RRAS2: variants seen among roughly 807,000 people sequenced by gnomAD.
RRAS2 encodes the protein RAS related 2.
RRAS2 carries 7 observed loss-of-function variants against 27.6 expected under a neutral mutation model. The observed-to-expected ratio is 0.25, with a 90% confidence interval of 0.14 to 0.48. RRAS2 has a LOEUF of 0.48. Among genes scored for constraint, RRAS2 ranks in the 20% least tolerant of loss-of-function variants. The pLI, the probability that RRAS2 is intolerant of heterozygous loss-of-function variation, is 0.99. For synonymous variants in RRAS2, 86 were observed against 90.9 expected, an observed-to-expected ratio of 0.95 and a Z score of 0.31; for missense variants, 178 against 256.2, an observed-to-expected ratio of 0.69 and a Z score of 2.08.
Position 14,279,222 on chromosome 11 carries a change from C to CGTTA in RRAS2, c.*114_*115insTAAC. ...GACTAGCCAGCTTCTTCGTCTAAGG[C>CGTTA]TAACATGGTGATCATTTGTCTAAGG... On this transcript the variant is annotated 3_prime_UTR_variant, in exon 6 of 6. Transcript: ENST00000256196. The CGTTA allele has an allele frequency of 1.3e-6, 1 of 770,828 alleles. No individual in the cohort carries two copies. Among genetic ancestry groups the CGTTA allele is most frequent in the Non-Finnish European group, 2.3e-6 (1 of 439,894 alleles). 47.7% of individuals were successfully genotyped at this position (770,828 alleles called of 1,614,324 possible).
chr11:14,329,172 G>A (rs781865801), intron 1 of RRAS2, among the ~76,000 whole-genome samples: 4 of 151,574 alleles, frequency 2.6e-5, no homozygotes, highest in Admixed American at 1.3e-4. Context: ...GTCCAATGGC[G>A]CGATCTCAGC....
chr11:14,284,472 T>C (rs1554944770), intron 4 of RRAS2, among the ~76,000 whole-genome samples: 1 of 152,168 alleles, frequency 6.6e-6, no homozygotes, highest in Admixed American at 6.5e-5. Flanking sequence ...CATTCTACTG[T>C]TGTTGGGTAA....
At chr11:14,286,743 TGG>T (rs1554945093) in intron 4 of RRAS2, among the ~76,000 whole-genome samples, 4 of 152,262 alleles carry the variant, frequency 2.6e-5, no homozygotes, top group Non-Finnish European at 4.4e-5. Flanking sequence ...TACATAGCAC[TGG>T]TATATCTAAG....
intron 4 of RRAS2, among the ~76,000 whole-genome samples, chr11:14,286,936 G>T (rs1395254710): frequency 6.6e-6 from 1 of 152,150 alleles, no homozygotes; most frequent in East Asian, 1.9e-4. Context: ...TCTGTTTTAG[G>T]AAAATTTGAC....
intron 5 of RRAS2, 145 bp downstream of exon 5, chr11:14,281,456 AG>A: frequency 2.0e-6 from 1 of 500,490 alleles, no homozygotes; most frequent in Non-Finnish European, 3.4e-6. Context: ...TTTATATTCT[AG>A]AAGTGCCTAG....
At chr11:14,302,103 CACACACA>C (rs782465290) in intron 1 of RRAS2, among the ~76,000 whole-genome samples, 1 of 151,158 alleles carries the variant, frequency 6.6e-6, no homozygotes, top group Non-Finnish European at 1.5e-5. Flanking sequence ...CACACACACA[CACACACA>C]CCAAAAACCA....
intron 1 of RRAS2, among the ~76,000 whole-genome samples, chr11:14,298,173 T>C (rs1847608060): frequency 6.6e-6 from 1 of 152,230 alleles, no homozygotes; most frequent in Non-Finnish European, 1.5e-5. Flanking sequence ...CTTTTTAAGA[T>C]TCATTTCTTG....
chr11:14,306,673 G>A (rs782807572), intron 1 of RRAS2, among the ~76,000 whole-genome samples: 3 of 152,068 alleles, frequency 2.0e-5, no homozygotes, highest in Non-Finnish European at 2.9e-5. Context: ...CTAGGTGGCT[G>A]TTCTACTGGG....
In RRAS2 at chr11:14,358,686, G is replaced by T. The variant is rs548067518; in HGVS notation, c.108+77C>A. 4.1e-4 allele frequency: 434 copies of T among 1,049,358 alleles called. 2 individuals carry two copies. The African/African-American group carries it at 6.4e-3, about 15-fold the overall frequency. 65.0% of individuals were successfully genotyped at this position (1,049,358 alleles called of 1,614,324 possible). A position where few individuals can be genotyped will look rare whatever the true frequency, so the allele number is the denominator to read the frequency against. Reference sequence around the variant, plus strand: ...GAGGCGCCTCTGGGGCGAGGTCGCGGCGGCCGCCCCGCCACAGGTAGCGCC... The same window carrying T: ...GAGGCGCCTCTGGGGCGAGGTCGCGTCGGCCGCCCCGCCACAGGTAGCGCC... On this transcript the variant is annotated intron_variant, in intron 1 of 5. Transcript: ENST00000256196. This position sits in a 1 kb window ranked among gnomAD's most constrained non-coding sequence, Gnocchi z 5.1.
intron 1 of RRAS2, among the ~76,000 whole-genome samples, chr11:14,352,000 A>G (rs564064111): frequency 6.6e-6 from 1 of 152,174 alleles, no homozygotes; most frequent in Non-Finnish European, 1.5e-5. Context: ...TTACATTCAA[A>G]TGATTTTAAA....
At chr11:14,323,608 A>AC (rs1315593842) in intron 1 of RRAS2, among the ~76,000 whole-genome samples, 1 of 152,208 alleles carries the variant, frequency 6.6e-6, no homozygotes, top group Non-Finnish European at 1.5e-5. Context: ...CTTTCAGGAA[A>AC]CAAGTAAATC....
In RRAS2 at chr11:14,358,750, C is replaced by G; in HGVS notation, c.108+13G>C. On this transcript the variant is annotated intron_variant, in intron 1 of 5. Coordinates refer to ENST00000256196, the MANE Select transcript of RRAS2 (RefSeq NM_012250.6). The surrounding 1 kb of genome is among the most constrained non-coding windows in gnomAD (Gnocchi z 5.1). ...CGCCGCTCCGGCGCCCCGGGCAGGC[C>G]CGCTCCAGGTACCTGGATGAACTGG... 1 of 1,391,952 alleles carries G rather than the reference C, an allele frequency of 7.2e-7. No individual in the cohort carries two copies. 86.2% of individuals were successfully genotyped at this position (1,391,952 alleles called of 1,614,324 possible). A position where few individuals can be genotyped will look rare whatever the true frequency, so the allele number is the denominator to read the frequency against.
At chr11:14,360,349 C>G (rs1030836020), upstream of RRAS2, among the ~76,000 whole-genome samples, 2 of 152,114 alleles carry the variant, frequency 1.3e-5, no homozygotes, top group African/African-American at 2.4e-5. Flanking sequence ...GTGAGAGACC[C>G]CAAGCAAAAA....
intron 1 of RRAS2, among the ~76,000 whole-genome samples, chr11:14,337,569 C>T (rs1848612884): frequency 6.6e-6 from 1 of 152,180 alleles, no homozygotes; most frequent in Admixed American, 6.5e-5. Context: ...ATTCAGATAA[C>T]TTCTATTGTA....
At chr11:14,293,281 A>C (rs1156380020) in intron 4 of RRAS2, among the ~76,000 whole-genome samples, 2 of 151,076 alleles carry the variant, frequency 1.3e-5, no homozygotes, top group Admixed American at 6.6e-5. Flanking sequence ...TTTATCAACC[A>C]ATTTTTCCTG....
At chr11:14,344,917 T>G (rs1591486495) in intron 1 of RRAS2, among the ~76,000 whole-genome samples, 1 of 151,680 alleles carries the variant, frequency 6.6e-6, no homozygotes, top group Non-Finnish European at 1.5e-5. Flanking sequence ...GGAACCATAA[T>G]AGATACAACT....
chr11:14,332,307 T>C (rs1554952014), intron 1 of RRAS2, among the ~76,000 whole-genome samples: 1 of 152,150 alleles, frequency 6.6e-6, no homozygotes, highest in Non-Finnish European at 1.5e-5. Context: ...AATTGTGGTA[T>C]ATCATACAAT....
At chr11:14,325,009 A>C (rs554657918) in intron 1 of RRAS2, among the ~76,000 whole-genome samples, 1 of 152,352 alleles carries the variant, frequency 6.6e-6, no homozygotes, top group Non-Finnish European at 1.5e-5. Flanking sequence ...AGCCTGTATT[A>C]TCTCTAGATT....
intron 1 of RRAS2, among the ~76,000 whole-genome samples, chr11:14,331,114 A>T (rs868908363): frequency 2.0e-5 from 3 of 152,210 alleles, no homozygotes; most frequent in South Asian, 2.1e-4. Flanking sequence ...CATAAAATTT[A>T]AAGCCCTGGG....
Sources: allele counts gnomAD v4.1 joint callset (sites outside exome capture counted in the v4.1 genomes callset), GRCh38; gene constraint gnomAD v4.1.1; non-coding constraint Gnocchi (gnomAD v3.1); transcripts MANE v1.5; gene names NCBI Gene and HGNC (gene_info 2026-07-23, HGNC 2026-07-21).